The following NKAIN2 variants were observed in gnomAD, a reference collection of about 807,000 sequenced individuals.
NKAIN2 encodes sodium/potassium transporting ATPase interacting 2.
A neutral mutation model predicts 32.6 loss-of-function variants in NKAIN2; 14 were observed. That is an observed-to-expected ratio of 0.43 (90% confidence interval 0.28 to 0.67). NKAIN2 has a LOEUF of 0.67. Ranked by LOEUF, NKAIN2 falls within the 30% of genes least tolerant of loss-of-function variation. The pLI is 0.17. For missense variants in NKAIN2, 198 were observed against 258.3 expected, an observed-to-expected ratio of 0.77 and a Z score of 1.60; for synonymous variants, 80 against 87.2, an observed-to-expected ratio of 0.92 and a Z score of 0.46.
At chr6:123,815,395 T>G (rs1169146639) in intron 1 of NKAIN2, among the ~76,000 whole-genome samples, 2 of 152,220 alleles carry the variant, frequency 1.3e-5, no homozygotes, top group African/African-American at 4.8e-5. Context: ...TAATTCATAT[T>G]ATCTAGCATT....
intron 3 of NKAIN2, among the ~76,000 whole-genome samples, chr6:124,486,234 C>G (rs1177065676): frequency 5.3e-5 from 8 of 152,112 alleles, no homozygotes; most frequent in Admixed American, 5.2e-4. Flanking sequence ...TCTGTCTCCT[C>G]AACAACAGAA....
chr6:124,191,583 G>A (rs1790024935), intron 1 of NKAIN2, among the ~76,000 whole-genome samples: 1 of 152,048 alleles, frequency 6.6e-6, no homozygotes, highest in African/African-American at 2.4e-5. Flanking sequence ...CAGTATTTAT[G>A]CCTTTTGCCC....
chr6:124,089,751 A>G (rs1784341757), intron 1 of NKAIN2, among the ~76,000 whole-genome samples: 1 of 151,998 alleles, frequency 6.6e-6, no homozygotes, highest in Non-Finnish European at 1.5e-5. Context: ...TAAGCAAAAC[A>G]TATTATCTAG....
intron 1 of NKAIN2, among the ~76,000 whole-genome samples, chr6:123,986,583 C>T (rs1444231382): frequency 6.6e-6 from 1 of 152,108 alleles, no homozygotes; most frequent in Non-Finnish European, 1.5e-5. Context: ...CTATGTTACA[C>T]TCAACTTGGG....
At chr6:123,879,529 C>G (rs549033908) in intron 1 of NKAIN2, among the ~76,000 whole-genome samples, 2 of 151,890 alleles carry the variant, frequency 1.3e-5, no homozygotes, top group Non-Finnish European at 2.9e-5. Context: ...CAGCTCTGCT[C>G]CTGGTGATCA....
intron 3 of NKAIN2, among the ~76,000 whole-genome samples, chr6:124,383,516 T>C (rs1772744479): frequency 6.6e-6 from 1 of 152,158 alleles, no homozygotes; most frequent in African/African-American, 2.4e-5. Flanking sequence ...TCCTTGAACC[T>C]ATACCCCTGA....
intron 1 of NKAIN2, among the ~76,000 whole-genome samples, chr6:123,946,159 G>A (rs1777053963): frequency 6.6e-6 from 1 of 152,060 alleles, no homozygotes; most frequent in South Asian, 2.1e-4. Context: ...AGGTTAATGA[G>A]GAATTCAGTT....
intron 4 of NKAIN2, among the ~76,000 whole-genome samples, chr6:124,707,061 A>G (rs1240019319): frequency 7.7e-5 from 11 of 142,626 alleles, no homozygotes; most frequent in African/African-American, 2.6e-4. Flanking sequence ...TCATTGTTCA[A>G]TTCCCACCTA....
chr6:123,946,485 A>G (rs1299081524), intron 1 of NKAIN2, among the ~76,000 whole-genome samples: 2 of 152,246 alleles, frequency 1.3e-5, no homozygotes, highest in Non-Finnish European at 2.9e-5. Context: ...AAATTTTACA[A>G]CATGTTTCCC....
At chr6:123,830,369 A>C (rs1774328171) in intron 1 of NKAIN2, among the ~76,000 whole-genome samples, 1 of 152,132 alleles carries the variant, frequency 6.6e-6, no homozygotes, top group East Asian at 1.9e-4. Flanking sequence ...GTAAAGGCAA[A>C]ACTCCTTAAC....
At chr6:124,622,832 G>A (rs980489665) in intron 3 of NKAIN2, among the ~76,000 whole-genome samples, 5 of 152,062 alleles carry the variant, frequency 3.3e-5, no homozygotes, top group Admixed American at 6.6e-5. Flanking sequence ...CTGCCGCATC[G>A]CTCTGCTGTT....
At position 124,381,311 on chromosome 6, in the gene NKAIN2, G is replaced by T. The variant is rs932857410; in HGVS notation, c.273+25964G>T. On this transcript the variant is annotated intron_variant, in intron 3 of 6. Transcript: ENST00000368417. The stretch of plus-strand genomic sequence containing the variant: ...AGAAATTAGTAAATATTTTAAATTT[G>T]TTTTAATTTTTATATCTATAAATAT... Among the ~76,000 whole-genome samples the T allele has an allele frequency of 2.0e-5, 3 of 152,114 alleles. No individual in the cohort carries two copies. In the East Asian group the frequency reaches 5.8e-4, roughly 29 times the overall value.
At chr6:123,941,820 T>C (rs1017355511) in intron 1 of NKAIN2, among the ~76,000 whole-genome samples, 6 of 151,938 alleles carry the variant, frequency 3.9e-5, no homozygotes, top group African/African-American at 1.2e-4. Context: ...AATTCTTCCC[T>C]TTCCTGTCAT....
At chr6:124,167,795 G>A (rs1015918636) in intron 1 of NKAIN2, among the ~76,000 whole-genome samples, 4 of 152,138 alleles carry the variant, frequency 2.6e-5, no homozygotes, top group African/African-American at 9.6e-5. Context: ...TTTTGTCTTT[G>A]GTTCTGTTTG....
In NKAIN2 at chr6:124,396,681, T is replaced by G. The variant is rs574989985; in HGVS notation, c.273+41334T>G. On this transcript the variant is annotated intron_variant, in intron 3 of 6. Coordinates refer to ENST00000368417, the MANE Select transcript of NKAIN2 (RefSeq NM_001040214.3). ...CAGGCCAGAGATCATTAAGAATGTGTATAGATGGAAAGGAATAAATAACTA... is the reference window on the plus strand; with the variant it reads ...CAGGCCAGAGATCATTAAGAATGTGGATAGATGGAAAGGAATAAATAACTA... 3.3e-5 allele frequency among the ~76,000 whole-genome samples: 5 copies of G among 152,226 alleles called. No individual in the cohort carries two copies. The East Asian group carries it at 9.7e-4, about 29-fold the overall frequency.
intron 2 of NKAIN2, among the ~76,000 whole-genome samples, chr6:124,323,576 G>T (rs2115030765): frequency 1.3e-5 from 2 of 151,974 alleles, no homozygotes; most frequent in Middle Eastern, 6.8e-3. Flanking sequence ...AATCACTTTT[G>T]TACCTTTCTC....
intron 1 of NKAIN2, among the ~76,000 whole-genome samples, chr6:123,862,114 T>C (rs953639387): frequency 2.0e-5 from 3 of 152,206 alleles, no homozygotes; most frequent in Non-Finnish European, 4.4e-5. Flanking sequence ...ACAGTTCAAA[T>C]TGACCATTTT....
chr6:124,645,255 G>C (rs946871207), intron 3 of NKAIN2, among the ~76,000 whole-genome samples: 3 of 152,144 alleles, frequency 2.0e-5, no homozygotes, highest in African/African-American at 7.2e-5. Context: ...ACAGGATTTG[G>C]AAGTGGAAGG....
intron 1 of NKAIN2, among the ~76,000 whole-genome samples, chr6:123,952,862 C>G (rs1465731047): frequency 1.3e-5 from 2 of 151,666 alleles, no homozygotes; most frequent in Non-Finnish European, 2.9e-5. Flanking sequence ...GAAATTTTTT[C>G]CAGGATTTCA....
Sources: gnomAD v4.1 joint callset for allele counts (sites outside exome capture counted in the v4.1 genomes callset) on GRCh38, gnomAD v4.1.1 for gene constraint, MANE v1.5 for transcripts, NCBI Gene and HGNC (gene_info 2026-07-23, HGNC 2026-07-21) for gene names.